The following CNTNAP2 variants were observed in gnomAD, a reference collection of about 807,000 sequenced individuals.
CNTNAP2 encodes contactin associated protein 2, also known as contactin-associated protein-like 2.
In CNTNAP2, 98 loss-of-function variants were observed where a neutral mutation model predicts 155.2. The ratio of observed to expected loss-of-function variants is 0.63; its 90% CI spans 0.54 to 0.75. The LOEUF is 0.75. Ranked by LOEUF, CNTNAP2 falls within the 30% of genes least tolerant of loss-of-function variation. The probability of loss-of-function intolerance (pLI) is 0.00; values close to 1 mark genes in which losing one functional copy is unlikely to be tolerated. For missense variants in CNTNAP2, 1,727 were observed against 1,688.1 expected, an observed-to-expected ratio of 1.02 and a Z score of -0.40; for synonymous variants, 651 against 631.2, an observed-to-expected ratio of 1.03 and a Z score of -0.47.
intron 1 of CNTNAP2, among the ~76,000 whole-genome samples, chr7:146,451,047 C>T (rs577591515): frequency 3.9e-5 from 6 of 152,080 alleles, no homozygotes; most frequent in South Asian, 2.1e-4. Context: ...CCCGGGTTCA[C>T]GCCATTCTCC....
chr7:147,459,785 C>G (rs546120274), intron 10 of CNTNAP2, among the ~76,000 whole-genome samples: 1 of 152,168 alleles, frequency 6.6e-6, no homozygotes, highest in Non-Finnish European at 1.5e-5. Flanking sequence ...TGGTAAGCCA[C>G]TAAGTTTGTG....
chr7:147,756,600 A>C (rs1025111359), intron 13 of CNTNAP2, among the ~76,000 whole-genome samples: 4 of 152,214 alleles, frequency 2.6e-5, no homozygotes, highest in African/African-American at 9.6e-5. Context: ...ATCATTAAAA[A>C]CAGATTTAAA....
chr7:146,197,104 G>A (rs1301989494), intron 1 of CNTNAP2, among the ~76,000 whole-genome samples: 1 of 152,058 alleles, frequency 6.6e-6, no homozygotes, highest in African/African-American at 2.4e-5. Flanking sequence ...ATATTATACA[G>A]GTTGAAAAGT....
chr7:147,056,641 G>A (rs572965458), intron 4 of CNTNAP2, among the ~76,000 whole-genome samples: 5 of 152,262 alleles, frequency 3.3e-5, no homozygotes, highest in African/African-American at 1.2e-4. Context: ...TAAAGTTAAC[G>A]AACAAAAGCA....
At chr7:146,479,925 C>A (rs1796934532) in intron 1 of CNTNAP2, among the ~76,000 whole-genome samples, 1 of 152,168 alleles carries the variant, frequency 6.6e-6, no homozygotes, top group Non-Finnish European at 1.5e-5. Context: ...GCTGGGATTA[C>A]AGGCGCCCGC....
At chr7:148,235,891 T>C (rs1796034784) in intron 20 of CNTNAP2, among the ~76,000 whole-genome samples, 1 of 152,096 alleles carries the variant, frequency 6.6e-6, no homozygotes, top group South Asian at 2.1e-4. Context: ...TTCACTGTGT[T>C]AGCCAGGATG....
intron 8 of CNTNAP2, among the ~76,000 whole-genome samples, chr7:147,221,999 C>G (rs1350632335): frequency 6.6e-6 from 1 of 152,134 alleles, no homozygotes; most frequent in Non-Finnish European, 1.5e-5. Context: ...CACCCACCCC[C>G]TCTCTGGCTT....
intron 1 of CNTNAP2, among the ~76,000 whole-genome samples, chr7:146,712,344 ATATCT>A (rs1388508745): frequency 1.6e-5 from 2 of 128,666 alleles, no homozygotes; most frequent in Non-Finnish European, 3.2e-5. Context: ...TATAGTATAC[ATATCT>A]TATGTATACT....
At chr7:146,718,883 A>G (rs528401547) in intron 1 of CNTNAP2, among the ~76,000 whole-genome samples, 1 of 152,116 alleles carries the variant, frequency 6.6e-6, no homozygotes, top group Non-Finnish European at 1.5e-5. Context: ...TAATATGCCA[A>G]AGTTAAGCAT....
At chr7:146,833,507 G>A (rs1266897619) in intron 2 of CNTNAP2, among the ~76,000 whole-genome samples, 1 of 152,124 alleles carries the variant, frequency 6.6e-6, no homozygotes, top group Non-Finnish European at 1.5e-5. Context: ...CGATGCCTGT[G>A]CCTGGCAGTG....
intron 22 of CNTNAP2, among the ~76,000 whole-genome samples, chr7:148,387,101 C>A (rs1318621022): frequency 6.6e-6 from 1 of 152,108 alleles, no homozygotes; most frequent in East Asian, 1.9e-4. Context: ...GGAGGTATGG[C>A]AGCCTCATTT....
chr7:147,160,554 A>T (rs1209882372), intron 8 of CNTNAP2, among the ~76,000 whole-genome samples: 2 of 152,132 alleles, frequency 1.3e-5, no homozygotes, highest in Non-Finnish European at 2.9e-5. Flanking sequence ...TAGCAGCTTT[A>T]TTGCATACAA....
At chr7:147,004,229 A>T (rs1399626842) in intron 3 of CNTNAP2, among the ~76,000 whole-genome samples, 1 of 147,694 alleles carries the variant, frequency 6.8e-6, no homozygotes, top group Non-Finnish European at 1.5e-5. Context: ...AAAAAAAAAG[A>T]AAAAGAAAAA....
At chr7:148,333,403 G>T (rs185154332) in intron 21 of CNTNAP2, among the ~76,000 whole-genome samples, 180 of 151,690 alleles carry the variant, frequency 1.2e-3, no homozygotes, top group African/African-American at 4.2e-3. Context: ...GCTCCATCCT[G>T]GGTGACAGAT....
At chr7:148,386,612 A>G (rs1799202088) in intron 22 of CNTNAP2, among the ~76,000 whole-genome samples, 1 of 152,194 alleles carries the variant, frequency 6.6e-6, no homozygotes, top group Non-Finnish European at 1.5e-5. Context: ...ATGAGAGACA[A>G]TGTGGGTTGA....
At chr7:148,033,104 TA>T (rs1434423767) in intron 15 of CNTNAP2, among the ~76,000 whole-genome samples, 1 of 152,086 alleles carries the variant, frequency 6.6e-6, no homozygotes, top group African/African-American at 2.4e-5. Flanking sequence ...TCATAGATCT[TA>T]AAAAGTTAAA....
At chr7:146,175,702 A>G (rs1489163692) in intron 1 of CNTNAP2, among the ~76,000 whole-genome samples, 2 of 152,226 alleles carry the variant, frequency 1.3e-5, no homozygotes, top group East Asian at 1.9e-4. Flanking sequence ...ATGAATAAAT[A>G]TATTCTTAGT....
intron 3 of CNTNAP2, among the ~76,000 whole-genome samples, chr7:147,006,622 AAATTT>A (rs1325482204): frequency 1.3e-5 from 2 of 152,122 alleles, no homozygotes. Context: ...AAGAAAAATT[AAATTT>A]ATTTTCTCTA....
At chr7:147,023,299 A>T (rs1798847198) in intron 3 of CNTNAP2, among the ~76,000 whole-genome samples, 1 of 152,192 alleles carries the variant, frequency 6.6e-6, no homozygotes, top group African/African-American at 2.4e-5. Context: ...AAAAAAATCA[A>T]CTCTGAGGTA....
Sources: allele counts gnomAD v4.1 joint callset (sites outside exome capture counted in the v4.1 genomes callset), GRCh38; gene constraint gnomAD v4.1.1; transcripts MANE v1.5; gene names NCBI Gene and HGNC (gene_info 2026-07-23, HGNC 2026-07-21).